Variants in EDA observed in about 807,000 individuals in gnomAD.
The protein encoded by EDA is ectodysplasin A, also known as ectodysplasin-A.
Under a neutral mutation model 23.6 loss-of-function variants are expected in EDA, and 2 were observed. That is an observed-to-expected ratio of 0.08 (90% CI 0.03 to 0.27). EDA has a LOEUF of 0.27. Ranked by LOEUF, EDA falls within the 10% of genes least tolerant of loss-of-function variation. The pLI is 1.00. For missense variants in EDA, 229 were observed against 324.2 expected (o/e 0.71, Z 2.26); for synonymous variants, 131 against 132.0 (o/e 0.99, Z 0.05).
At chrX:69,651,396 A>T (rs999648624) in intron 1 of EDA, among the ~76,000 whole-genome samples, 3 of 108,973 alleles carry the variant, frequency 2.8e-5, no homozygotes, top group Non-Finnish European at 5.7e-5. Flanking sequence ...AGGGGAAATG[A>T]TGTAAAGGGG....
At position 69,814,413 on chromosome X, in the gene EDA, C is replaced by T. The variant is rs768104270; in HGVS notation, c.397-142614C>T. Among the ~76,000 whole-genome samples, 3 of 113,078 alleles carry T rather than the reference C, an allele frequency of 2.7e-5. No individual in the cohort carries two copies. In the East Asian group the frequency reaches 8.3e-4, roughly 31 times the overall value. ...TTCTGTCTAGCTATATTTAACCCTC[C>T]TTGATCAACTAATAAGTTTCCTCTT... On this transcript the variant is annotated intron_variant, in intron 1 of 7. Transcript: ENST00000374552.
chrX:69,736,641 T>G (rs1232588072), intron 1 of EDA, among the ~76,000 whole-genome samples: 2 of 110,851 alleles, frequency 1.8e-5, no homozygotes, highest in Non-Finnish European at 3.8e-5. Flanking sequence ...TTCTCTAAAG[T>G]TTTAACTCCC....
At chrX:69,735,730 C>T (rs1235067052) in intron 1 of EDA, among the ~76,000 whole-genome samples, 1 of 111,094 alleles carries the variant, frequency 9.0e-6, no homozygotes, top group Non-Finnish European at 1.9e-5. Flanking sequence ...TCCCAATTCC[C>T]CTAGTCAAAA....
At chrX:69,783,377 G>A (rs1030618153) in intron 1 of EDA, among the ~76,000 whole-genome samples, 2 of 109,199 alleles carry the variant, frequency 1.8e-5, no homozygotes, top group Admixed American at 9.7e-5. Flanking sequence ...ATGCTGGTGC[G>A]CTGCACCCAC....
intron 1 of EDA, among the ~76,000 whole-genome samples, chrX:69,943,918 T>C (rs754792603): frequency 1.5e-4 from 16 of 106,959 alleles, no homozygotes; most frequent in African/African-American, 4.8e-4. Flanking sequence ...TCCTTACCCT[T>C]TCCTCAAGCA....
At chrX:69,797,102 A>G (rs900665564) in intron 1 of EDA, among the ~76,000 whole-genome samples, 1 of 111,460 alleles carries the variant, frequency 9.0e-6, no homozygotes, top group African/African-American at 3.3e-5. Flanking sequence ...CATAAAGTGA[A>G]CAAATACTTG....
At chrX:70,031,682 A>G (rs747074703) in intron 6 of EDA, among the ~76,000 whole-genome samples, 1 of 112,446 alleles carries the variant, frequency 8.9e-6, no homozygotes, top group Admixed American at 9.4e-5. Flanking sequence ...TGCCACCTCC[A>G]TGTCTGACTT....
At chrX:70,008,565 T>G (rs1310025280) in intron 2 of EDA, among the ~76,000 whole-genome samples, 1 of 111,656 alleles carries the variant, frequency 9.0e-6, no homozygotes, top group Non-Finnish European at 1.9e-5. Flanking sequence ...ATTGAGGATT[T>G]TTGCATCTAT....
At chrX:69,667,207 G>A (rs1240202149) in intron 1 of EDA, among the ~76,000 whole-genome samples, 3 of 103,628 alleles carry the variant, frequency 2.9e-5, no homozygotes, top group Non-Finnish European at 5.8e-5. Context: ...TTGCCTCCCA[G>A]GTTCATGCCA....
intron 7 of EDA, among the ~76,000 whole-genome samples, chrX:70,034,782 C>T (rs5980893): frequency 0.024 from 2,671 of 111,476 alleles, 75 homozygotes; most frequent in African/African-American, 0.082. Context: ...TTTCCTCAAT[C>T]ATCAGATGGG....
chrX:69,939,389 C>A (rs1315778906), intron 1 of EDA, among the ~76,000 whole-genome samples: 4 of 110,614 alleles, frequency 3.6e-5, no homozygotes, highest in African/African-American at 9.8e-5. Flanking sequence ...ATTTCTTTTT[C>A]AGATTGTTTG....
chrX:69,772,944 A>G (rs544481626), intron 1 of EDA, among the ~76,000 whole-genome samples: 1 of 111,753 alleles, frequency 8.9e-6, no homozygotes, highest in East Asian at 2.8e-4. Context: ...GATTCCTAGT[A>G]TATTCACAGT....
At chrX:69,964,658 A>G (rs2147430685) in intron 2 of EDA, among the ~76,000 whole-genome samples, 1 of 111,791 alleles carries the variant, frequency 8.9e-6, no homozygotes, top group East Asian at 2.8e-4. Context: ...AGTGCATGCA[A>G]ATGGTTTCAT....
chrX:69,898,432 A>G (rs1169608378), intron 1 of EDA, among the ~76,000 whole-genome samples: 1 of 109,653 alleles, frequency 9.1e-6, no homozygotes, highest in Non-Finnish European at 1.9e-5. Context: ...AAAAAAAAAA[A>G]TTAGCTGGGT....
chrX:70,035,115 C>T (rs1172567942), intron 7 of EDA, among the ~76,000 whole-genome samples: 2 of 111,711 alleles, frequency 1.8e-5, no homozygotes, highest in South Asian at 3.8e-4. Context: ...ACAGAGTTTG[C>T]GACAAGTGTG....
intron 1 of EDA, among the ~76,000 whole-genome samples, chrX:69,824,310 T>A (rs2016339478): frequency 9.0e-6 from 1 of 110,608 alleles, no homozygotes; most frequent in Non-Finnish European, 1.9e-5. Context: ...TTTCACGATA[T>A]TGATTCTTCC....
At chrX:69,693,868 G>A (rs1411123501) in intron 1 of EDA, among the ~76,000 whole-genome samples, 2 of 111,502 alleles carry the variant, frequency 1.8e-5, no homozygotes, top group Admixed American at 9.6e-5. Context: ...CTATCCAATC[G>A]GAGAATATAG....
At chrX:69,670,892 C>T (rs920852336) in intron 1 of EDA, among the ~76,000 whole-genome samples, 5 of 111,597 alleles carry the variant, frequency 4.5e-5, no homozygotes, top group Non-Finnish European at 9.4e-5. Context: ...ATTTTGAACT[C>T]ATTTTCAGGT....
chrX:69,701,307 C>T (rs908311414), intron 1 of EDA, among the ~76,000 whole-genome samples: 22 of 110,702 alleles, frequency 2.0e-4, no homozygotes, highest in Non-Finnish European at 3.0e-4. Flanking sequence ...ACTCACAGTC[C>T]GACTTCCAGT....
Sources: allele counts gnomAD v4.1 joint callset (sites outside exome capture counted in the v4.1 genomes callset), GRCh38; gene constraint gnomAD v4.1.1; transcripts MANE v1.5; gene names NCBI Gene and HGNC (gene_info 2026-07-23, HGNC 2026-07-21).